The following CDK6 variants were observed in gnomAD, a reference collection of about 807,000 sequenced individuals.
CDK6 encodes cyclin dependent kinase 6.
Under a neutral mutation model 37.1 loss-of-function variants are expected in CDK6, and 6 were observed. The ratio of observed to expected loss-of-function variants is 0.16; its 90% confidence interval spans 0.09 to 0.32. CDK6 has a LOEUF of 0.32. Ranked by LOEUF, CDK6 falls within the 10% of genes least tolerant of loss-of-function variation. CDK6 has a pLI of 1.00. For synonymous variants in CDK6, 160 were observed against 161.3 expected, an observed-to-expected ratio of 0.99 and a Z score of 0.06; for missense variants, 224 against 418.9, an observed-to-expected ratio of 0.53 and a Z score of 4.06.
At chr7:92,802,866 T>C (rs73232053) in intron 2 of CDK6, among the ~76,000 whole-genome samples, 25 of 152,294 alleles carry the variant, frequency 1.6e-4, no homozygotes, top group Non-Finnish European at 2.6e-4. Context: ...CCCTCACCTC[T>C]ACTCACTAAA....
At chr7:92,796,395 T>C (rs1404456145) in intron 2 of CDK6, among the ~76,000 whole-genome samples, 2 of 152,070 alleles carry the variant, frequency 1.3e-5, no homozygotes, top group Admixed American at 1.3e-4. Context: ...ACCAGATAGT[T>C]TAGACAGACT....
Position 92,835,264 on chromosome 7 carries a change from C to T in CDK6, c.-368+1214G>A. 1 of 153,444 alleles carries T rather than the reference C, an allele frequency of 6.5e-6. No homozygotes were observed. Among genetic ancestry groups the T allele is most frequent in the South Asian group, 2.1e-4 (1 of 4,870 alleles). The allele number at this position is 153,444 out of a possible 1,614,324, so 9.5% of individuals were successfully genotyped here. On this transcript the variant is annotated intron_variant, in intron 1 of 7. Transcript: ENST00000424848. This position sits in a 1 kb window ranked among gnomAD's most constrained non-coding sequence, Gnocchi z 4.2. The stretch of plus-strand genomic sequence containing the variant: ...GCCGCCGGCCGCCCAACCCGCCTGT[C>T]CTGCATCCCCCCAACCCCCTCCCGC...
At chr7:92,791,047 G>A (rs1800269997) in intron 2 of CDK6, among the ~76,000 whole-genome samples, 1 of 152,182 alleles carries the variant, frequency 6.6e-6, no homozygotes, top group Non-Finnish European at 1.5e-5. Flanking sequence ...GACTGTTGCT[G>A]CAGTAGTACA....
chr7:92,743,598 C>T (rs1432215064), intron 3 of CDK6, among the ~76,000 whole-genome samples: 1 of 151,980 alleles, frequency 6.6e-6, no homozygotes, highest in Non-Finnish European at 1.5e-5. Context: ...AGTCCAGTAG[C>T]TTGTAAAAAG....
At chr7:92,768,172 C>A (rs764891523) in intron 3 of CDK6, among the ~76,000 whole-genome samples, 5 of 151,914 alleles carry the variant, frequency 3.3e-5, no homozygotes, top group Admixed American at 6.6e-5. Flanking sequence ...AGGCTGATAG[C>A]GGTGGTGGGA....
At position 92,778,873 on chromosome 7, in the gene CDK6, G is replaced by C. The variant is rs547774060; in HGVS notation, c.234-4042C>G. Among the ~76,000 whole-genome samples, 36 of 145,086 alleles carry C rather than the reference G, an allele frequency of 2.5e-4. No individual in the cohort carries two copies. In the South Asian group the frequency reaches 7.7e-3, roughly 31 times the overall value. ...AAATTACATTGCTTACCACTACCTG[G>C]AATCAATAGTAATTTTAGTAACTCC... On this transcript the variant is annotated intron_variant, in intron 2 of 7. Transcript: ENST00000424848.
intron 4 of CDK6, among the ~76,000 whole-genome samples, chr7:92,698,345 C>T (rs572269049): frequency 1.3e-5 from 2 of 152,310 alleles, no homozygotes; most frequent in Admixed American, 6.5e-5. Flanking sequence ...CCTCTCTTAG[C>T]GAACAAAGCA....
At chr7:92,775,357 T>C (rs1311161837) in intron 2 of CDK6, among the ~76,000 whole-genome samples, 1 of 152,250 alleles carries the variant, frequency 6.6e-6, no homozygotes, top group Non-Finnish European at 1.5e-5. Context: ...GCCCTCATCC[T>C]GCTGAGTCAA....
At chr7:92,752,416 G>A (rs1056621106) in intron 3 of CDK6, among the ~76,000 whole-genome samples, 3 of 152,174 alleles carry the variant, frequency 2.0e-5, no homozygotes, top group Admixed American at 6.5e-5. Flanking sequence ...CAGGGGATAA[G>A]TTCTGGTGAA....
At chr7:92,718,329 T>C (rs1301965610) in intron 4 of CDK6, among the ~76,000 whole-genome samples, 2 of 152,160 alleles carry the variant, frequency 1.3e-5, no homozygotes, top group African/African-American at 2.4e-5. Flanking sequence ...GTTTTTTCCA[T>C]TATACTCATG....
At chr7:92,747,446 C>A (rs2115661985) in intron 3 of CDK6, among the ~76,000 whole-genome samples, 1 of 152,268 alleles carries the variant, frequency 6.6e-6, no homozygotes. Context: ...ACAGTGCCTC[C>A]ACAATCAAGT....
At position 92,683,498 on chromosome 7, in the gene CDK6, C is replaced by T. The variant is rs541253747; in HGVS notation, c.538-11963G>A. Among the ~76,000 whole-genome samples the T allele has an allele frequency of 5.4e-4, 82 of 152,328 alleles. 1 individual carries two copies. Among genetic ancestry groups the T allele is most frequent in the South Asian group, 3.7e-3 (18 of 4,832 alleles). ...CATTTTAAAATTCCATGAGCACTGC[C>T]TTCCTTAAATGGGGAGGATTTGCAG... On this transcript the variant is annotated intron_variant, in intron 4 of 7. Transcript: ENST00000424848.
chr7:92,781,300 G>T (rs1025943977), intron 2 of CDK6, among the ~76,000 whole-genome samples: 5 of 152,234 alleles, frequency 3.3e-5, no homozygotes, highest in African/African-American at 1.2e-4. Flanking sequence ...AGAGAACAAG[G>T]CTTGCAGTCC....
At position 92,810,394 on chromosome 7, in the gene CDK6, T is replaced by C. The variant is rs182748153; in HGVS notation, c.233+22697A>G. Among the ~76,000 whole-genome samples, 371 of 152,326 alleles carry C rather than the reference T, an allele frequency of 2.4e-3. 2 individuals carry two copies. Among genetic ancestry groups the C allele is most frequent in the South Asian group, 4.4e-3 (21 of 4,824 alleles). On this transcript the variant is annotated intron_variant, in intron 2 of 7. Coordinates refer to ENST00000424848, the MANE Select transcript of CDK6 (RefSeq NM_001145306.2). ...AATAACACCCTGGAGTCAAAAGGCT[T>C]GTGGTCTAGTCCTGACTCTGCCAGC...
At chr7:92,663,368 A>C (rs1364521211) in intron 5 of CDK6, among the ~76,000 whole-genome samples, 2 of 152,108 alleles carry the variant, frequency 1.3e-5, no homozygotes, top group Non-Finnish European at 2.9e-5. Flanking sequence ...TGTCATGAAA[A>C]CAAATATATT....
At position 92,607,217 on chromosome 7, in the gene CDK6, C is replaced by T. The variant is rs1217571433; in HGVS notation, c.*7923G>A. The T allele has an allele frequency of 1.7e-5, 4 of 233,542 alleles. No homozygotes were observed. Among genetic ancestry groups the T allele is most frequent in the South Asian group, 1.8e-4 (1 of 5,540 alleles). 14.5% of individuals were successfully genotyped at this position (233,542 alleles called of 1,614,324 possible). A position where few individuals can be genotyped will look rare whatever the true frequency, so the allele number is the denominator to read the frequency against. On this transcript the variant is annotated 3_prime_UTR_variant, in exon 8 of 8. Coordinates refer to ENST00000424848, the MANE Select transcript of CDK6 (RefSeq NM_001145306.2). ...TTCCCACTACTCCACATGACACCTA[C>T]GAGGGCACTACATCACGTGAGGGAA... is the stretch of plus-strand genomic sequence containing the variant.
At position 92,609,970 on chromosome 7, in the gene CDK6, C is replaced by T. The variant is rs1293306240; in HGVS notation, c.*5170G>A. On this transcript the variant is annotated 3_prime_UTR_variant, in exon 8 of 8. Coordinates refer to ENST00000424848, the MANE Select transcript of CDK6 (RefSeq NM_001145306.2). ...ACAGAACATTATAGAGACTATTAAT[C>T]ATCCCAAAAAACAAGTGCTAGGAAA... 1 of 229,888 alleles carries T rather than the reference C, an allele frequency of 4.3e-6. No individual in the cohort carries two copies. Among genetic ancestry groups the T allele is most frequent in the Non-Finnish European group, 8.6e-6 (1 of 116,126 alleles). The allele number at this position is 229,888 out of a possible 1,614,324, so 14.2% of individuals were successfully genotyped here.
intron 2 of CDK6, among the ~76,000 whole-genome samples, chr7:92,808,630 C>T (rs979043706): frequency 1.3e-5 from 2 of 152,148 alleles, no homozygotes; most frequent in Non-Finnish European, 1.5e-5. Flanking sequence ...ATCCAATGTG[C>T]AATTTTCCAA....
chr7:92,715,681 T>C (rs1798216097), intron 4 of CDK6, among the ~76,000 whole-genome samples: 2 of 152,106 alleles, frequency 1.3e-5, no homozygotes, highest in South Asian at 4.1e-4. Flanking sequence ...ATAAAGTCAA[T>C]AAATGCATCA....
Sources: gnomAD v4.1 joint callset for allele counts (sites outside exome capture counted in the v4.1 genomes callset) on GRCh38, gnomAD v4.1.1 for gene constraint, Gnocchi (gnomAD v3.1) non-coding constraint, MANE v1.5 for transcripts, NCBI Gene and HGNC (gene_info 2026-07-23, HGNC 2026-07-21) for gene names.